The following CPQ variants were observed in gnomAD, a reference collection of about 807,000 sequenced individuals.
The protein encoded by CPQ is Ser-Met dipeptidase.
A neutral mutation model predicts 45.7 loss-of-function variants in CPQ; 37 were observed. The ratio of observed to expected loss-of-function variants is 0.81; its 90% CI spans 0.62 to 1.07. The LOEUF is 1.07. Among genes scored for constraint, CPQ ranks in the 50% least tolerant of loss-of-function variants. The pLI, the probability that CPQ is intolerant of heterozygous loss-of-function variation, is 0.00. For synonymous variants in CPQ, 186 were observed against 205.8 expected, an observed-to-expected ratio of 0.90 and a Z score of 0.82; for missense variants, 537 against 572.9, an observed-to-expected ratio of 0.94 and a Z score of 0.64.
At chr8:96,747,357 C>T (rs1810201686) in intron 1 of CPQ, among the ~76,000 whole-genome samples, 1 of 151,202 alleles carries the variant, frequency 6.6e-6, no homozygotes, top group Admixed American at 6.6e-5. Context: ...CTGACCAATG[C>T]ATAGAGAGAA....
At chr8:97,082,125 TAG>T (rs1269615098) in intron 7 of CPQ, among the ~76,000 whole-genome samples, 2 of 152,170 alleles carry the variant, frequency 1.3e-5, no homozygotes, top group Non-Finnish European at 2.9e-5. Context: ...CACGGAAGGA[TAG>T]AGTTTGATTT....
At chr8:96,833,619 C>T (rs1811488182) in intron 2 of CPQ, among the ~76,000 whole-genome samples, 1 of 152,192 alleles carries the variant, frequency 6.6e-6, no homozygotes, top group Admixed American at 6.5e-5. Flanking sequence ...TCTAGCCAAA[C>T]TCTTATTTGT....
At chr8:97,041,356 G>T (rs7459515) in intron 6 of CPQ, among the ~76,000 whole-genome samples, 8 of 152,102 alleles carry the variant, frequency 5.3e-5, no homozygotes, top group Non-Finnish European at 7.4e-5. Context: ...CTTTGCTGAA[G>T]TTGCTTATCA....
At chr8:96,871,544 T>TG (rs1245894578) in intron 3 of CPQ, among the ~76,000 whole-genome samples, 1 of 150,770 alleles carries the variant, frequency 6.6e-6, no homozygotes, top group Non-Finnish European at 1.5e-5. Context: ...TTTTTTTTTT[T>TG]TTTTTTTTTT....
intron 7 of CPQ, among the ~76,000 whole-genome samples, chr8:97,095,197 C>G (rs1483321614): frequency 6.6e-6 from 1 of 152,096 alleles, no homozygotes; most frequent in Non-Finnish European, 1.5e-5. Flanking sequence ...ATTTTGGAAG[C>G]CATGTGGCCA....
chr8:96,919,077 A>G (rs1812771596), intron 4 of CPQ, among the ~76,000 whole-genome samples: 2 of 151,912 alleles, frequency 1.3e-5, no homozygotes, highest in African/African-American at 2.4e-5. Flanking sequence ...GAATTCCTGT[A>G]TCTGCTTGAC....
intron 4 of CPQ, among the ~76,000 whole-genome samples, chr8:96,892,755 T>G (rs897277824): frequency 6.6e-6 from 1 of 152,172 alleles, no homozygotes; most frequent in African/African-American, 2.4e-5. Flanking sequence ...CCAGACAGAC[T>G]GTTTTAGATA....
chr8:96,869,645 G>T (rs557540260), intron 3 of CPQ, among the ~76,000 whole-genome samples: 1 of 152,116 alleles, frequency 6.6e-6, no homozygotes, highest in South Asian at 2.1e-4. Flanking sequence ...CTTTCTGCTG[G>T]TGAAGTCTTG....
At chr8:96,737,021 G>C (rs1191446618) in intron 1 of CPQ, among the ~76,000 whole-genome samples, 1 of 151,750 alleles carries the variant, frequency 6.6e-6, no homozygotes, top group African/African-American at 2.4e-5. Context: ...TTTTGCCAGA[G>C]GTATGCCAAT....
intron 5 of CPQ, among the ~76,000 whole-genome samples, chr8:97,024,450 G>A (rs1809762834): frequency 6.6e-6 from 1 of 152,068 alleles, no homozygotes; most frequent in African/African-American, 2.4e-5. Context: ...ATGCCTAATT[G>A]CTTTATATTT....
intron 1 of CPQ, among the ~76,000 whole-genome samples, chr8:96,731,703 A>G (rs530202929): frequency 6.6e-6 from 1 of 152,258 alleles, no homozygotes; most frequent in Non-Finnish European, 1.5e-5. Context: ...CATAATAGGC[A>G]TAGTGGAAGG....
intron 5 of CPQ, among the ~76,000 whole-genome samples, chr8:96,990,899 A>G (rs1053426584): frequency 3.3e-5 from 5 of 152,184 alleles, no homozygotes; most frequent in African/African-American, 1.2e-4. Context: ...TCTGTGAGTC[A>G]TAGTGCAATC....
At chr8:96,756,097 A>G (rs1182662633) in intron 1 of CPQ, among the ~76,000 whole-genome samples, 2 of 152,064 alleles carry the variant, frequency 1.3e-5, no homozygotes, top group East Asian at 3.9e-4. Context: ...ATTAGTAACT[A>G]TAGACTTTAT....
chr8:96,987,121 T>A (rs551192180), intron 5 of CPQ, among the ~76,000 whole-genome samples: 1 of 152,250 alleles, frequency 6.6e-6, no homozygotes, highest in East Asian at 1.9e-4. Context: ...TTATGTTGCA[T>A]CTACTTGAAG....
chr8:96,962,527 A>G (rs1813477690), intron 4 of CPQ, among the ~76,000 whole-genome samples: 1 of 152,212 alleles, frequency 6.6e-6, no homozygotes, highest in South Asian at 2.1e-4. Flanking sequence ...GATATTTTTC[A>G]TGAAACTGCA....
chr8:97,075,142 G>C (rs1283056528), intron 7 of CPQ, among the ~76,000 whole-genome samples: 1 of 152,146 alleles, frequency 6.6e-6, no homozygotes, highest in African/African-American at 2.4e-5. Flanking sequence ...TGAGGAAGTA[G>C]CAAAGGGTTG....
At chr8:96,748,171 A>G (rs1382674726) in intron 1 of CPQ, among the ~76,000 whole-genome samples, 1 of 152,066 alleles carries the variant, frequency 6.6e-6, no homozygotes, top group Admixed American at 6.5e-5. Flanking sequence ...CTTCTTATTC[A>G]CTTCCATCCT....
At chr8:96,703,499 A>C (rs1158250072) in intron 1 of CPQ, among the ~76,000 whole-genome samples, 1 of 152,198 alleles carries the variant, frequency 6.6e-6, no homozygotes, top group Non-Finnish European at 1.5e-5. Context: ...TTTACATTTT[A>C]AGAAATACAT....
At chr8:96,943,784 G>C (rs1408510804) in intron 4 of CPQ, among the ~76,000 whole-genome samples, 3 of 152,122 alleles carry the variant, frequency 2.0e-5, no homozygotes, top group Non-Finnish European at 4.4e-5. Context: ...AATGTGTCTA[G>C]GTACAGTAGT....
Sources: gnomAD v4.1 joint callset for allele counts (sites outside exome capture counted in the v4.1 genomes callset) on GRCh38, gnomAD v4.1.1 for gene constraint, MANE v1.5 for transcripts, NCBI Gene and HGNC (gene_info 2026-07-23, HGNC 2026-07-21) for gene names.